MYO9A: variants seen among roughly 807,000 people sequenced by gnomAD.
MYO9A encodes unconventional myosin-IXa.
In MYO9A, 103 loss-of-function variants were observed where a neutral mutation model predicts 293.3. That is an observed-to-expected ratio of 0.35 (90% CI 0.30 to 0.41). MYO9A has a LOEUF of 0.41. MYO9A is among the 10% of genes least tolerant of loss of function. The probability of loss-of-function intolerance (pLI) is 1.00; values close to 1 mark genes in which losing one functional copy is unlikely to be tolerated. For missense variants in MYO9A, 2,685 were observed against 3,033.0 expected (o/e 0.89, Z 2.69); for synonymous variants, 1,001 against 1,035.7 (o/e 0.97, Z 0.64).
At chr15:72,080,860 A>G (rs889671820) in intron 1 of MYO9A, among the ~76,000 whole-genome samples, 4 of 152,114 alleles carry the variant, frequency 2.6e-5, no homozygotes, top group Admixed American at 2.6e-4. Context: ...AATGGCCTCC[A>G]GCTTCATCCA....
At chr15:71,952,097 T>C (rs1158135790) in intron 14 of MYO9A, among the ~76,000 whole-genome samples, 1 of 152,162 alleles carries the variant, frequency 6.6e-6, no homozygotes. Flanking sequence ...AATACAGGCA[T>C]TTTTCAGATA....
chr15:72,112,046 T>C (rs2080797707), intron 1 of MYO9A, among the ~76,000 whole-genome samples: 1 of 152,180 alleles, frequency 6.6e-6, no homozygotes, highest in South Asian at 2.1e-4. Flanking sequence ...TGAGAATCCA[T>C]ATTCTCTCCA....
intron 1 of MYO9A, among the ~76,000 whole-genome samples, chr15:72,067,069 T>C (rs55821478): frequency 1.9e-3 from 276 of 141,902 alleles, no homozygotes; most frequent in African/African-American, 6.5e-3. Context: ...TAGGTAATCA[T>C]TAGCAATATT....
chr15:71,964,518 A>G (rs1017971679), intron 13 of MYO9A, among the ~76,000 whole-genome samples: 1 of 151,874 alleles, frequency 6.6e-6, no homozygotes, highest in Admixed American at 6.6e-5. Flanking sequence ...GCGATGGCTC[A>G]CATCTGTAAT....
intron 1 of MYO9A, among the ~76,000 whole-genome samples, chr15:72,110,435 C>CAAAAAAA (rs397854173): frequency 3.1e-4 from 14 of 45,120 alleles, no homozygotes; most frequent in Non-Finnish European, 5.2e-4. Context: ...GACTCCATCT[C>CAAAAAAA]AAAAAAAAAA....
intron 14 of MYO9A, 76 bp from the exon 15 acceptor site, chr15:71,951,972 G>T: frequency 6.8e-7 from 1 of 1,466,408 alleles, no homozygotes. Flanking sequence ...AACCAACAGA[G>T]AATCAAGGAC....
In MYO9A at chr15:71,899,965, A is replaced by T. The variant is rs772482380; in HGVS notation, c.3192T>A (p.Asp1064Glu). ...CAAAAGCATCCTTCTGCACAGCTGCATCTCTGACTTGCTTCTGATTTAGGT... is the reference window on the plus strand; with the variant it reads ...CAAAAGCATCCTTCTGCACAGCTGCTTCTCTGACTTGCTTCTGATTTAGGT... Reference protein sequence around the residue: ...RNYLNQKQVRDAAVQKDAFVM... With the variant: ...RNYLNQKQVREAAVQKDAFVM... Residue 1064 changes from aspartate (D) to glutamate (E), a missense_variant, in exon 24 of 42, where the codon GAT becomes GAA. Around this residue, in one of 10 missense-constraint regions of MYO9A, gnomAD observed 1,434 missense variants for 1,497.7 expected, o/e 0.96. Coordinates refer to ENST00000356056, the MANE Select transcript of MYO9A (RefSeq NM_006901.4). 6.2e-7 allele frequency: 1 copy of T among 1,612,778 alleles called. No individual in the cohort carries two copies. Among genetic ancestry groups the T allele is most frequent in the Non-Finnish European group, 8.5e-7 (1 of 1,178,904 alleles).
chr15:71,848,300 A>C (rs1341354276), intron 39 of MYO9A, among the ~76,000 whole-genome samples: 2 of 151,962 alleles, frequency 1.3e-5, no homozygotes, highest in Non-Finnish European at 2.9e-5. Context: ...CAAACCAAGG[A>C]AATAAATTAT....
At chr15:71,874,615 A>G (rs1202292378) in intron 32 of MYO9A, among the ~76,000 whole-genome samples, 1 of 152,228 alleles carries the variant, frequency 6.6e-6, no homozygotes, top group Admixed American at 6.5e-5. Flanking sequence ...TATTACATAG[A>G]GAACTATAAC....
rs2054450267 is a variant in MYO9A, at chr15:71,825,616, T to TTGAG, written c.*960_*963dup. 1 of 152,234 alleles carries TTGAG rather than the reference T, an allele frequency of 6.6e-6. No individual in the cohort carries two copies. Among genetic ancestry groups the TTGAG allele is most frequent in the African/African-American group, 2.4e-5 (1 of 41,452 alleles). The allele number at this position is 152,234 out of a possible 1,614,324, so 9.4% of individuals were successfully genotyped here. A position where few individuals can be genotyped will look rare whatever the true frequency, so the allele number is the denominator to read the frequency against. ...ACGGTCACATTATTTGTTTGTTTGT[T>TTGAG]TGAGTCTGAGTCTGTGGTGGGAATC... On this transcript the variant is annotated 3_prime_UTR_variant, in exon 42 of 42. Transcript: ENST00000356056.
intron 15 of MYO9A, among the ~76,000 whole-genome samples, chr15:71,940,524 G>T (rs1287066995): frequency 6.6e-6 from 1 of 151,586 alleles, no homozygotes; most frequent in African/African-American, 2.4e-5. Context: ...AGGAGGGGCG[G>T]AAATAGCAAT....
chr15:72,097,271 A>G (rs1439725634), intron 1 of MYO9A, among the ~76,000 whole-genome samples: 1 of 152,224 alleles, frequency 6.6e-6, no homozygotes, highest in East Asian at 1.9e-4. Flanking sequence ...ATCCACTCCA[A>G]CTTTCAGCAT....
chr15:72,066,359 G>A (rs75051308), intron 1 of MYO9A, among the ~76,000 whole-genome samples: 4,110 of 152,068 alleles, frequency 0.027, 165 homozygotes, highest in East Asian at 0.18. Flanking sequence ...GGTGGTGCGT[G>A]CCTCTAGTCT....
chr15:72,072,651 G>A (rs1433245466), intron 1 of MYO9A, among the ~76,000 whole-genome samples: 2 of 152,158 alleles, frequency 1.3e-5, no homozygotes, highest in Admixed American at 6.5e-5. Flanking sequence ...AATTAATGCA[G>A]AAACAAAATG....
intron 26 of MYO9A, chr15:71,893,349 G>C (rs1428939135): frequency 6.8e-6 from 3 of 439,340 alleles, no homozygotes; most frequent in Non-Finnish European, 1.2e-5. Context: ...AAAGGAATCT[G>C]TATACATTAC....
At chr15:72,019,269 T>C (rs3825869) in intron 5 of MYO9A, among the ~76,000 whole-genome samples, 174 bp from the exon 6 acceptor site, 4,115 of 152,338 alleles carry the variant, frequency 0.027, 162 homozygotes, top group East Asian at 0.18. Context: ...GACTGTATAC[T>C]GTACTACCGA....
At chr15:72,113,267 A>C (rs1179555578) in intron 1 of MYO9A, among the ~76,000 whole-genome samples, 1 of 152,194 alleles carries the variant, frequency 6.6e-6, no homozygotes, top group African/African-American at 2.4e-5. Context: ...TAATCTGAAA[A>C]GAGGTAAAGG....
intron 39 of MYO9A, among the ~76,000 whole-genome samples, chr15:71,832,788 A>G (rs1004033015): frequency 3.3e-5 from 5 of 152,246 alleles, no homozygotes; most frequent in African/African-American, 1.2e-4. Context: ...GTGACTGCAT[A>G]AAACATAATA....
At chr15:71,948,951 T>TGG (rs1226426018) in intron 15 of MYO9A, among the ~76,000 whole-genome samples, 95 of 51,666 alleles carry the variant, frequency 1.8e-3, no homozygotes, top group East Asian at 5.7e-3. Context: ...ATTTTTTTTG[T>TGG]GAGGGGGGGG....
Sources: gnomAD v4.1 joint callset for allele counts (sites outside exome capture counted in the v4.1 genomes callset) on GRCh38, gnomAD v4.1.1 for gene constraint, gnomAD v4.1.1 regional missense constraint, MANE v1.5 for transcripts, NCBI Gene and HGNC (gene_info 2026-07-23, HGNC 2026-07-21) for gene names.